The following DNMT3L variants were observed in gnomAD, a reference collection of about 807,000 sequenced individuals.
DNMT3L encodes DNA (cytosine-5)-methyltransferase 3-like.
DNMT3L carries 33 observed loss-of-function variants against 36.2 expected under a neutral mutation model. The observed-to-expected ratio is 0.91, with a 90% CI of 0.69 to 1.22. DNMT3L has a LOEUF of 1.22. DNMT3L is among the 50% of genes most tolerant of loss of function. DNMT3L has a pLI of 0.00. For missense variants in DNMT3L, 310 were observed against 303.1 expected (o/e 1.02, Z -0.17); for synonymous variants, 117 against 121.7 (o/e 0.96, Z 0.26).
intron 7 of DNMT3L, among the ~76,000 whole-genome samples, chr21:44,255,093 G>T (rs2040246814): frequency 1.3e-5 from 2 of 152,048 alleles, no homozygotes. Flanking sequence ...CTCCCAAATT[G>T]TTGGGATTAC....
chr21:44,259,468 G>T lies in DNMT3L; in HGVS notation c.313C>A (p.Leu105Met). Residue 105 changes from leucine to methionine, a missense_variant, in exon 5 of 12, where the codon CTG becomes ATG. Physicochemically the swap from Leu to Met is conservative, Grantham distance 15 (BLOSUM62 2). Coordinates refer to ENST00000628202, the MANE Select transcript of DNMT3L (RefSeq NM_175867.3). ...CAATCAGGGTTTCCGCAGATGAGCA[G>T]CGTCTCTCCGGAGCAGCAGATGGAG... ...YCSICCSGET[L>M]LICGNPDCTR... The T allele has an allele frequency of 1.2e-6, 2 of 1,613,690 alleles. No individual in the cohort carries two copies. Among genetic ancestry groups the T allele is most frequent in the South Asian group, 1.1e-5 (1 of 91,090 alleles).
Position 44,256,060 on chromosome 21 carries a change from G to A in DNMT3L, c.604+7C>T. 6.2e-7 allele frequency: 1 copy of A among 1,613,702 alleles called. No homozygotes were observed. The highest frequency in any genetic ancestry group is 8.5e-7 in the Non-Finnish European group (1 of 1,179,890). Reference sequence around the variant, plus strand: ...CCATGTGTGTCTTTGGGACATCACTGACTCACCTTTCTTGATGTCTTCAAA... The same window carrying A: ...CCATGTGTGTCTTTGGGACATCACTAACTCACCTTTCTTGATGTCTTCAAA... On this transcript the variant is annotated splice_region_variant and intron_variant, in intron 7 of 11. Coordinates refer to ENST00000628202, the MANE Select transcript of DNMT3L (RefSeq NM_175867.3).
At position 44,258,818 on chromosome 21, in the gene DNMT3L, G is replaced by T; in HGVS notation, c.345-124C>A. On this transcript the variant is annotated intron_variant, in intron 5 of 11. Coordinates refer to ENST00000628202, the MANE Select transcript of DNMT3L (RefSeq NM_175867.3). The surrounding 1 kb of genome is among the most constrained non-coding windows in gnomAD (Gnocchi z 6.2). Reference sequence around the variant, plus strand: ...GTCACGCTGGAGCTCCCTTTGGGAAGACCAGGTGGTGGACTGGGAAGAGGG... The same window carrying T: ...GTCACGCTGGAGCTCCCTTTGGGAATACCAGGTGGTGGACTGGGAAGAGGG... 7.5e-7 allele frequency: 1 copy of T among 1,338,994 alleles called. No individual in the cohort carries two copies. The highest frequency in any genetic ancestry group is 1.5e-5 in the South Asian group (1 of 67,106). The allele number at this position is 1,338,994 out of a possible 1,614,324, so 82.9% of individuals were successfully genotyped here. A position where few individuals can be genotyped will look rare whatever the true frequency, so the allele number is the denominator to read the frequency against.
intron 3 of DNMT3L, 57 bp from the exon 4 acceptor site, chr21:44,259,768 C>T (rs370355304): frequency 8.4e-5 from 127 of 1,506,832 alleles, no homozygotes; most frequent in East Asian, 1.2e-4. Context: ...ATACAGCAGA[C>T]GATTAGGAAT....
At chr21:44,255,327 C>T (rs995320227) in intron 7 of DNMT3L, among the ~76,000 whole-genome samples, 1 of 151,856 alleles carries the variant, frequency 6.6e-6, no homozygotes, top group African/African-American at 2.4e-5. Flanking sequence ...TCAAGACCAG[C>T]CTGGCCAACA....
chr21:44,261,695 G>A lies in DNMT3L; in HGVS notation c.-8+45C>T, dbSNP rs142739737. The A allele has an allele frequency of 3.3e-3, 553 of 168,922 alleles. 3 individuals carry two copies. Among genetic ancestry groups the A allele is most frequent in the African/African-American group, 0.013 (538 of 41,890 alleles). The allele number at this position is 168,922 out of a possible 1,614,324, so 10.5% of individuals were successfully genotyped here. A position where few individuals can be genotyped will look rare whatever the true frequency, so the allele number is the denominator to read the frequency against. On this transcript the variant is annotated intron_variant, in intron 1 of 11. Transcript: ENST00000628202. Reference sequence around the variant, plus strand: ...CCCCTGGGGATGGTCTTGGCCAGCCGCACCCTTGAAGGCAGCATGGTCAGG... The same window carrying A: ...CCCCTGGGGATGGTCTTGGCCAGCCACACCCTTGAAGGCAGCATGGTCAGG...
chr21:44,255,660 C>G (rs992257665), intron 7 of DNMT3L, among the ~76,000 whole-genome samples: 1 of 152,200 alleles, frequency 6.6e-6, no homozygotes, highest in Non-Finnish European at 1.5e-5. Context: ...GGAGGAGGCC[C>G]TGGCTTTCTC....
Position 44,259,538 on chromosome 21 carries a change from C to T in DNMT3L, c.243G>A (p.Leu81=). 6.2e-7 allele frequency: 1 copy of T among 1,613,702 alleles called. No individual in the cohort carries two copies. Among genetic ancestry groups the T allele is most frequent in the Non-Finnish European group, 8.5e-7 (1 of 1,180,006 alleles). The part of the protein sequence containing the change: ...GICAPCKDKF[L]DALFLYDDDG... ...CATCGTCGTACAGGAAGAGGGCATC[C>T]AGGAACTTGTCCTTGGAAGGAGCAA... Residue 81 remains leucine (L), a synonymous_variant, in exon 5 of 12, where the codon CTG becomes CTA. Transcript: ENST00000628202.
chr21:44,254,902 T>C (rs2040245477), intron 7 of DNMT3L, among the ~76,000 whole-genome samples, 197 bp from the exon 8 acceptor site: 1 of 152,220 alleles, frequency 6.6e-6, no homozygotes, highest in Admixed American at 6.5e-5. Context: ...CTTGGCTCAC[T>C]GCAACCTCCG....
chr21:44,260,493 C>G (rs1460745369), intron 3 of DNMT3L, among the ~76,000 whole-genome samples: 2 of 152,230 alleles, frequency 1.3e-5, no homozygotes, highest in Non-Finnish European at 2.9e-5. Context: ...CTCACCGTCA[C>G]CCAGGCTGGA....
In DNMT3L at chr21:44,258,509, C is replaced by A; in HGVS notation, c.516+14G>T. ...CTGCTGCTGCCGGGTGCTGCCCCTCCACGGGCTCCTTACCGACTCTCGGTC... is the reference window on the plus strand; with the variant it reads ...CTGCTGCTGCCGGGTGCTGCCCCTCAACGGGCTCCTTACCGACTCTCGGTC... On this transcript the variant is annotated intron_variant, in intron 6 of 11. Coordinates refer to ENST00000628202, the MANE Select transcript of DNMT3L (RefSeq NM_175867.3). This position sits in a 1 kb window ranked among gnomAD's most constrained non-coding sequence, Gnocchi z 6.2. 6.5e-7 allele frequency: 1 copy of A among 1,541,694 alleles called. No individual in the cohort carries two copies. Among genetic ancestry groups the A allele is most frequent in the East Asian group, 2.4e-5 (1 of 41,156 alleles).
Position 44,257,107 on chromosome 21 carries a change from C to G in DNMT3L, c.517-953G>C, listed in dbSNP as rs1234783881. ...TAAAACAGACTGGAGGGGCTGGGCC[C>G]GGTGGCTCATGCCTGTCATCCCAGC... On this transcript the variant is annotated intron_variant, in intron 6 of 11. Coordinates refer to ENST00000628202, the MANE Select transcript of DNMT3L (RefSeq NM_175867.3). Among the ~76,000 whole-genome samples, 4 of 152,212 alleles carry G rather than the reference C, an allele frequency of 2.6e-5. No individual in the cohort carries two copies. In the South Asian group the frequency reaches 6.2e-4, roughly 24 times the overall value.
Position 44,259,554 on chromosome 21 carries a change from G to A in DNMT3L, c.232-5C>T. ...GAGGGCATCCAGGAACTTGTCCTTG[G>A]AAGGAGCAAAGCAAGGCTGGCTTGT... On this transcript the variant is annotated splice_region_variant and splice_polypyrimidine_tract_variant and intron_variant, in intron 4 of 11. Coordinates refer to ENST00000628202, the MANE Select transcript of DNMT3L (RefSeq NM_175867.3). The A allele has an allele frequency of 1.2e-6, 2 of 1,613,696 alleles. No individual in the cohort carries two copies. The highest frequency in any genetic ancestry group is 1.7e-6 in the Non-Finnish European group (2 of 1,180,006).
At chr21:44,254,554 CCT>C (rs1279261562) in intron 8 of DNMT3L, 61 bp downstream of exon 8, 4 of 1,574,482 alleles carry the variant, frequency 2.5e-6, no homozygotes, top group Non-Finnish European at 3.5e-6. Flanking sequence ...CTTGGCATTT[CCT>C]CTGAGGAAGC....
chr21:44,254,780 C>T (rs999212446), intron 7 of DNMT3L, 75 bp from the exon 8 acceptor site: 18 of 1,475,896 alleles, frequency 1.2e-5, no homozygotes, highest in East Asian at 4.6e-5. Context: ...AAAAGGCTGA[C>T]GGACGATCAG....
At chr21:44,255,275 T>C (rs1056633277) in intron 7 of DNMT3L, among the ~76,000 whole-genome samples, 13 of 152,104 alleles carry the variant, frequency 8.5e-5, no homozygotes, top group Admixed American at 7.2e-4. Flanking sequence ...AATTCCAGCA[T>C]TTTGGGAGTC....
Position 44,261,202 on chromosome 21 carries a change from C to A in DNMT3L, c.58G>T (p.Val20Leu), listed in dbSNP as rs567378551. ...EAEPSMDVIL[V>L]GSSELSSSVS... ...GAGCTTGAGAGCTCACTGGATCCCACCAAAATCACGTCCATGCTGGGCTCG... is the reference window on the plus strand; with the variant it reads ...GAGCTTGAGAGCTCACTGGATCCCAACAAAATCACGTCCATGCTGGGCTCG... Residue 20 changes from valine (V) to leucine (L), a missense_variant, in exon 2 of 12, where the codon GTG becomes TTG. Physicochemically the swap from Val to Leu is conservative, Grantham distance 32. Transcript: ENST00000628202. The A allele has an allele frequency of 6.2e-7, 1 of 1,612,716 alleles. No homozygotes were observed. The highest frequency in any genetic ancestry group is 1.1e-5 in the South Asian group (1 of 91,090).
intron 1 of DNMT3L, among the ~76,000 whole-genome samples, 181 bp from the exon 2 acceptor site, chr21:44,261,447 G>A (rs2040318576): frequency 6.6e-6 from 1 of 152,232 alleles, no homozygotes; most frequent in South Asian, 2.1e-4. Flanking sequence ...GCCAAGGCCA[G>A]TGCCAGCCCT....
At position 44,261,309 on chromosome 21, in the gene DNMT3L, C is replaced by G. The variant is rs780640590; in HGVS notation, c.-7-43G>C. ...GACACAGATGTGAGAAAGCCGTCAG[C>G]CCCTGCTCAGATCCCTGATGCACCC... On this transcript the variant is annotated intron_variant, in intron 1 of 11. Coordinates refer to ENST00000628202, the MANE Select transcript of DNMT3L (RefSeq NM_175867.3). 6.9e-6 allele frequency: 11 copies of G among 1,585,048 alleles called. No homozygotes were observed. The South Asian group carries it at 1.2e-4, about 18-fold the overall frequency.
Sources: gnomAD v4.1 joint callset for allele counts (sites outside exome capture counted in the v4.1 genomes callset) on GRCh38, gnomAD v4.1.1 for gene constraint, Gnocchi (gnomAD v3.1) non-coding constraint, MANE v1.5 for transcripts, NCBI Gene and HGNC (gene_info 2026-07-23, HGNC 2026-07-21) for gene names.